The following NEDD9 variants were observed in gnomAD, a reference collection of about 807,000 sequenced individuals.
NEDD9 encodes enhancer of filamentation 1.
NEDD9 carries 26 observed loss-of-function variants against 76.6 expected under a neutral mutation model. The observed-to-expected ratio is 0.34, with a 90% CI of 0.25 to 0.47. The LOEUF is 0.47. Among genes scored for constraint, NEDD9 ranks in the 20% least tolerant of loss-of-function variants. The pLI is 1.00. For synonymous variants in NEDD9, 392 were observed against 414.2 expected (o/e 0.95, Z 0.65); for missense variants, 937 against 1,058.5 (o/e 0.89, Z 1.59).
intron 1 of NEDD9, among the ~76,000 whole-genome samples, chr6:11,359,997 G>A (rs1762650224): frequency 6.6e-6 from 1 of 152,240 alleles, no homozygotes; most frequent in Admixed American, 6.5e-5. Flanking sequence ...GAGGATGTTT[G>A]ATGAGCAGAA....
intron 1 of NEDD9, among the ~76,000 whole-genome samples, chr6:11,356,356 G>T (rs1399879274): frequency 6.6e-6 from 1 of 152,202 alleles, no homozygotes; most frequent in Non-Finnish European, 1.5e-5. Flanking sequence ...GGTGGAGCCA[G>T]GGATCTGTAT....
chr6:11,358,888 A>G (rs937886095), intron 1 of NEDD9, among the ~76,000 whole-genome samples: 2 of 152,236 alleles, frequency 1.3e-5, no homozygotes, highest in African/African-American at 4.8e-5. Flanking sequence ...ATCGGCAGGC[A>G]GCAAGAATGA....
At chr6:11,270,602 C>A (rs1293041053) in intron 3 of NEDD9, among the ~76,000 whole-genome samples, 1 of 152,234 alleles carries the variant, frequency 6.6e-6, no homozygotes, top group African/African-American at 2.4e-5. Flanking sequence ...AACTTTATCA[C>A]TAATAGCAAC....
At chr6:11,269,793 C>A (rs944422720) in intron 3 of NEDD9, among the ~76,000 whole-genome samples, 3 of 151,904 alleles carry the variant, frequency 2.0e-5, no homozygotes, top group African/African-American at 7.3e-5. Context: ...CTGAATTAAA[C>A]CTAGAGTAAA....
chr6:11,375,893 C>T (rs1163927489), intron 1 of NEDD9, among the ~76,000 whole-genome samples: 4 of 152,122 alleles, frequency 2.6e-5, no homozygotes, highest in South Asian at 2.1e-4. Context: ...GGCGTGATCT[C>T]GGCTCACTGC....
intron 2 of NEDD9, among the ~76,000 whole-genome samples, chr6:11,332,408 T>C (rs1762060506): frequency 6.6e-6 from 1 of 152,220 alleles, no homozygotes. Context: ...GGTTCTCCAT[T>C]ACCTCCAAGA....
chr6:11,306,518 C>A lies in NEDD9; in HGVS notation c.-152-363G>T, dbSNP rs140618322. On this transcript the variant is annotated intron_variant, in intron 2 of 3. Coordinates refer to the NEDD9 transcript ENST00000397378. Reference sequence around the variant, plus strand: ...GGTGGAGTCTTGAGAGATGGGTAGACGTTTGCCAGATGTTTTGTATGGATA... The same window carrying A: ...GGTGGAGTCTTGAGAGATGGGTAGAAGTTTGCCAGATGTTTTGTATGGATA... Among the ~76,000 whole-genome samples, 77 of 152,224 alleles carry A rather than the reference C, an allele frequency of 5.1e-4. 2 individuals are homozygous for A. In the East Asian group the frequency reaches 0.014, roughly 27 times the overall value.
intron 1 of NEDD9, among the ~76,000 whole-genome samples, chr6:11,366,947 G>A (rs1308202563): frequency 6.6e-6 from 1 of 152,182 alleles, no homozygotes; most frequent in East Asian, 1.9e-4. Context: ...CTAAATCTTG[G>A]CTGTTAATAT....
At chr6:11,223,902 A>G (rs982627005) in intron 1 of NEDD9, among the ~76,000 whole-genome samples, 15 of 152,224 alleles carry the variant, frequency 9.9e-5, no homozygotes, top group Admixed American at 7.9e-4. Context: ...AGGCTGCTGT[A>G]AGGGAGATGG....
intron 1 of NEDD9, among the ~76,000 whole-genome samples, chr6:11,350,911 C>A (rs984014753): frequency 8.5e-5 from 13 of 152,128 alleles, no homozygotes; most frequent in African/African-American, 2.7e-4. Context: ...GCAGTCTTTC[C>A]ACACCTCCTT....
intron 1 of NEDD9, among the ~76,000 whole-genome samples, chr6:11,371,088 G>A (rs926335754): frequency 2.0e-5 from 3 of 152,078 alleles, no homozygotes; most frequent in Non-Finnish European, 4.4e-5. Context: ...CATCAAAGAG[G>A]CCACTTAGCT....
At chr6:11,242,789 C>T (rs992421837) in intron 3 of NEDD9, among the ~76,000 whole-genome samples, 1 of 152,152 alleles carries the variant, frequency 6.6e-6, no homozygotes, top group Non-Finnish European at 1.5e-5. Context: ...GTTCAAAAAC[C>T]TGGAGGCCAG....
At chr6:11,367,704 G>A (rs1223124835) in intron 1 of NEDD9, among the ~76,000 whole-genome samples, 1 of 152,154 alleles carries the variant, frequency 6.6e-6, no homozygotes, top group East Asian at 1.9e-4. Context: ...GGAAAGTTTT[G>A]TAATGGTTCC....
At chr6:11,378,117 C>T (rs1334059048) in intron 1 of NEDD9, among the ~76,000 whole-genome samples, 1 of 152,130 alleles carries the variant, frequency 6.6e-6, no homozygotes, top group Non-Finnish European at 1.5e-5. Context: ...GTGGCATGCA[C>T]GTGTAATCCC....
intron 1 of NEDD9, among the ~76,000 whole-genome samples, chr6:11,351,407 T>C (rs1468629203): frequency 6.6e-6 from 1 of 152,108 alleles, no homozygotes; most frequent in Admixed American, 6.5e-5. Context: ...TCAGGACATA[T>C]TGCCCCTGAA....
chr6:11,190,124 C>T lies in NEDD9; in HGVS notation c.1745G>A (p.Gly582Asp). 6.2e-7 allele frequency: 1 copy of T among 1,613,202 alleles called. No individual in the cohort carries two copies. The highest frequency in any genetic ancestry group is 8.5e-7 in the Non-Finnish European group (1 of 1,179,370). Residue 582 changes from glycine (G) to aspartate (D), a missense_variant, in exon 5 of 7, where the codon GGT (glycine) becomes GAT (aspartate). Coordinates refer to ENST00000379446, the MANE Select transcript of NEDD9 (RefSeq NM_006403.4). This position sits in a 1 kb window ranked among gnomAD's most constrained non-coding sequence, Gnocchi z 5.8. ...ATGCAGCAGCTGTCCCTGGGAGCCA[C>T]CGTGTGGGTACTCCGTTGAGTTCAT... Reference protein sequence around the residue: ...SIMNSTEYPHGGSQGQLLHPG... With the variant: ...SIMNSTEYPHDGSQGQLLHPG...
intron 1 of NEDD9, among the ~76,000 whole-genome samples, chr6:11,381,303 C>G (rs904651826): frequency 6.6e-6 from 1 of 152,154 alleles, no homozygotes; most frequent in Non-Finnish European, 1.5e-5. Context: ...ATGACTAGAG[C>G]GCCTACTCTC....
At chr6:11,199,609 A>G (rs1026994256) in intron 2 of NEDD9, 1 of 148,460 alleles carries the variant, frequency 6.7e-6, no homozygotes, top group African/African-American at 2.5e-5. Context: ...AAGACAACTT[A>G]AAAAAATGAA....
chr6:11,305,872 T>C (rs1761171744), intron 3 of NEDD9: 1 of 1,220,328 alleles, frequency 8.2e-7, no homozygotes, highest in Non-Finnish European at 1.2e-6. Flanking sequence ...TCCCCAAATG[T>C]TAGTTGCAGG....
Sources: gnomAD v4.1 joint callset for allele counts (sites outside exome capture counted in the v4.1 genomes callset) on GRCh38, gnomAD v4.1.1 for gene constraint, Gnocchi (gnomAD v3.1) non-coding constraint, MANE v1.5 for transcripts, NCBI Gene and HGNC (gene_info 2026-07-23, HGNC 2026-07-21) for gene names.